The following CPNE4 variants were observed in gnomAD, a reference collection of about 807,000 sequenced individuals.
CPNE4 encodes copine-4.
Under a neutral mutation model 67.9 loss-of-function variants are expected in CPNE4, and 25 were observed. That is an observed-to-expected ratio of 0.37 (90% confidence interval 0.27 to 0.51). CPNE4 has a LOEUF of 0.51. Among genes scored for constraint, CPNE4 ranks in the 20% least tolerant of loss-of-function variants. CPNE4 has a pLI of 0.93. For synonymous variants in CPNE4, 242 were observed against 244.9 expected (o/e 0.99, Z 0.11); for missense variants, 464 against 690.8 (o/e 0.67, Z 3.68).
intron 2 of CPNE4, among the ~76,000 whole-genome samples, chr3:131,765,644 A>G (rs1175845317): frequency 3.3e-5 from 5 of 152,104 alleles, no homozygotes; most frequent in South Asian, 2.1e-4. Flanking sequence ...TGCTTGATCA[A>G]TAGGTTTTCT....
intron 1 of CPNE4, chr3:131,986,071 C>T (rs2073034029): frequency 6.5e-6 from 1 of 153,054 alleles, no homozygotes. Context: ...TTAGTAACTG[C>T]TAAATGGTAA....
At chr3:131,637,075 T>C (rs1034354031) in intron 7 of CPNE4, among the ~76,000 whole-genome samples, 3 of 152,130 alleles carry the variant, frequency 2.0e-5, no homozygotes, top group Admixed American at 2.0e-4. Context: ...TCTGACATAG[T>C]CTACCCAAAT....
chr3:131,567,153 C>T (rs1054025342), intron 10 of CPNE4, among the ~76,000 whole-genome samples: 7 of 151,816 alleles, frequency 4.6e-5, no homozygotes, highest in Non-Finnish European at 7.4e-5. Flanking sequence ...TCTGTGATGA[C>T]AAAAACATGC....
intron 1 of CPNE4, among the ~76,000 whole-genome samples, chr3:131,931,037 A>G (rs7620361): frequency 0.36 from 54,480 of 151,948 alleles, 10,378 homozygotes; most frequent in African/African-American, 0.47. Flanking sequence ...TGCATAGGTC[A>G]ATACTTCATA....
intron 2 of CPNE4, among the ~76,000 whole-genome samples, chr3:131,772,102 AAC>A (rs1393533175): frequency 2.0e-5 from 3 of 152,042 alleles, no homozygotes; most frequent in Non-Finnish European, 4.4e-5. Context: ...CAGGAGGTTT[AAC>A]AGTTTTATCA....
chr3:131,896,775 C>T (rs1841536), intron 2 of CPNE4, among the ~76,000 whole-genome samples: 5 of 151,896 alleles, frequency 3.3e-5, no homozygotes, highest in African/African-American at 4.8e-5. Context: ...GGCATGGATG[C>T]CTTACCTTAT....
intron 2 of CPNE4, among the ~76,000 whole-genome samples, chr3:131,833,813 A>T (rs577510676): frequency 6.6e-6 from 1 of 152,342 alleles, no homozygotes; most frequent in African/African-American, 2.4e-5. Context: ...ATTTTCAGTT[A>T]TCTTGTGTAT....
intron 2 of CPNE4, among the ~76,000 whole-genome samples, chr3:131,808,211 C>T (rs2084391376): frequency 6.6e-6 from 1 of 152,028 alleles, no homozygotes; most frequent in East Asian, 1.9e-4. Flanking sequence ...ACAAAACACA[C>T]AAAAATGCAA....
intron 15 of CPNE4, among the ~76,000 whole-genome samples, chr3:131,536,445 T>C (rs1228767872): frequency 1.3e-5 from 2 of 152,202 alleles, no homozygotes; most frequent in East Asian, 3.8e-4. Context: ...ATTGAAGAGA[T>C]TGAAAACTTG....
chr3:131,995,031 T>C (rs751708468), intron 1 of CPNE4, among the ~76,000 whole-genome samples: 1 of 152,156 alleles, frequency 6.6e-6, no homozygotes, highest in Non-Finnish European at 1.5e-5. Flanking sequence ...TGTTTGTTTG[T>C]TTCTGTAGAG....
intron 1 of CPNE4, among the ~76,000 whole-genome samples, chr3:132,010,362 G>A (rs1018148467): frequency 1.3e-5 from 2 of 152,172 alleles, no homozygotes; most frequent in Non-Finnish European, 2.9e-5. Flanking sequence ...ACAAAATATG[G>A]TTTTTAAGAG....
chr3:131,888,311 T>C (rs965106804), intron 2 of CPNE4, among the ~76,000 whole-genome samples: 1 of 151,990 alleles, frequency 6.6e-6, no homozygotes, highest in African/African-American at 2.4e-5. Context: ...AAGACCAACA[T>C]TGATCAAAGT....
At chr3:132,032,762 G>A (rs1014928603) in intron 1 of CPNE4, among the ~76,000 whole-genome samples, 11 of 152,060 alleles carry the variant, frequency 7.2e-5, no homozygotes, top group African/African-American at 1.2e-4. Context: ...GCAGCAGCTC[G>A]GTAAGGGAAA....
intron 3 of CPNE4, among the ~76,000 whole-genome samples, chr3:131,709,894 T>C (rs1193374101): frequency 6.6e-6 from 1 of 152,224 alleles, no homozygotes; most frequent in Admixed American, 6.5e-5. Context: ...TCTGACTTCC[T>C]GACATTCCTA....
chr3:131,938,628 G>A (rs748425222), intron 1 of CPNE4, among the ~76,000 whole-genome samples: 46 of 151,900 alleles, frequency 3.0e-4, no homozygotes, highest in Non-Finnish European at 4.7e-4. Flanking sequence ...CAGGCAGCAG[G>A]AGAGAGAGAG....
At chr3:131,952,377 G>A (rs867354704) in intron 1 of CPNE4, among the ~76,000 whole-genome samples, 17 of 148,896 alleles carry the variant, frequency 1.1e-4, no homozygotes, top group Admixed American at 3.3e-4. Context: ...CAGCCGCCCC[G>A]TCTGAGAAGT....
intron 6 of CPNE4, among the ~76,000 whole-genome samples, chr3:131,681,246 C>A (rs1003833947): frequency 3.3e-5 from 5 of 152,102 alleles, no homozygotes; most frequent in African/African-American, 1.2e-4. Context: ...GAGTTTTGAA[C>A]CTTCAGATGA....
intron 2 of CPNE4, among the ~76,000 whole-genome samples, chr3:131,876,021 G>A (rs13099468): frequency 0.2 from 30,498 of 151,822 alleles, 3,811 homozygotes; most frequent in Non-Finnish European, 0.27. Context: ...TCTTTCTAGA[G>A]GTAAAGAAGT....
chr3:131,695,744 T>C (rs748950058), intron 5 of CPNE4, among the ~76,000 whole-genome samples: 10 of 152,306 alleles, frequency 6.6e-5, no homozygotes, highest in Middle Eastern at 3.4e-3. Flanking sequence ...GAGCAGTCTG[T>C]GATGGTTTCA....
Sources: gnomAD v4.1 joint callset for allele counts (sites outside exome capture counted in the v4.1 genomes callset) on GRCh38, gnomAD v4.1.1 for gene constraint, MANE v1.5 for transcripts, NCBI Gene and HGNC (gene_info 2026-07-23, HGNC 2026-07-21) for gene names.